The following PPL variants were observed in gnomAD, a reference collection of about 807,000 sequenced individuals.
The protein encoded by PPL is periplakin.
A neutral mutation model predicts 194.4 loss-of-function variants in PPL; 198 were observed. That is an observed-to-expected ratio of 1.02 (90% confidence interval 0.91 to 1.15). PPL has a LOEUF of 1.15. Ranked by LOEUF, PPL falls within the 50% of genes most tolerant of loss-of-function variation. The probability of loss-of-function intolerance (pLI) is 0.00; values close to 1 mark genes in which losing one functional copy is unlikely to be tolerated. For synonymous variants in PPL, 1,220 were observed against 972.4 expected, an observed-to-expected ratio of 1.25 and a Z score of -4.74; for missense variants, 2,885 against 2,294.8, an observed-to-expected ratio of 1.26 and a Z score of -5.25.
chr16:4,902,158 G>A lies in PPL; in HGVS notation c.438+248C>T, dbSNP rs1314969087. On this transcript the variant is annotated intron_variant, in intron 4 of 21. Transcript: ENST00000345988. The surrounding 1 kb of genome is among the most constrained non-coding windows in gnomAD (Gnocchi z 4.0). ...CAGGGTTGGAAAGTGGGACCCAGGA[G>A]CAGCAGCGAGGTGTGGCTGACAGGG... Among the ~76,000 whole-genome samples the A allele has an allele frequency of 6.6e-6, 1 of 152,200 alleles. No homozygotes were observed. Among genetic ancestry groups the A allele is most frequent in the Non-Finnish European group, 1.5e-5 (1 of 68,046 alleles).
At chr16:4,889,692 A>G (rs2088284374) in intron 18 of PPL, among the ~76,000 whole-genome samples, 1 of 152,134 alleles carries the variant, frequency 6.6e-6, no homozygotes, top group Non-Finnish European at 1.5e-5. Context: ...TAATCTTCAA[A>G]CGATGCCAGG....
chr16:4,928,312 C>T (rs1400879601), intron 1 of PPL, among the ~76,000 whole-genome samples: 1 of 152,252 alleles, frequency 6.6e-6, no homozygotes, highest in Non-Finnish European at 1.5e-5. Context: ...TCTCCAACAC[C>T]TGACCTTAGG....
intron 1 of PPL, among the ~76,000 whole-genome samples, chr16:4,915,775 A>G (rs1337310377): frequency 2.0e-5 from 3 of 152,184 alleles, no homozygotes; most frequent in Non-Finnish European, 4.4e-5. Context: ...CAACCCTGAG[A>G]GCTGGGTGTT....
In PPL at chr16:4,902,206, C is replaced by T. The variant is rs932770874; in HGVS notation, c.438+200G>A. Among the ~76,000 whole-genome samples the T allele has an allele frequency of 6.6e-6, 1 of 152,218 alleles. No individual in the cohort carries two copies. Among genetic ancestry groups the T allele is most frequent in the African/African-American group, 2.4e-5 (1 of 41,462 alleles). On this transcript the variant is annotated intron_variant, in intron 4 of 21. Coordinates refer to ENST00000345988, the MANE Select transcript of PPL (RefSeq NM_002705.5). The surrounding 1 kb of genome is among the most constrained non-coding windows in gnomAD (Gnocchi z 4.0). Reference sequence around the variant, plus strand: ...GGGGACAGAGTCCGAATCTCCACCGCTTGAGCTGTGTGACCCTGACTTCGT... The same window carrying T: ...GGGGACAGAGTCCGAATCTCCACCGTTTGAGCTGTGTGACCCTGACTTCGT...
At chr16:4,895,501 GC>G in intron 10 of PPL, 92 bp downstream of exon 10, 1 of 1,602,976 alleles carries the variant, frequency 6.2e-7, no homozygotes, top group Non-Finnish European at 8.5e-7. Flanking sequence ...CAGGTGGGGT[GC>G]TGTGGAGGGG....
At position 4,884,830 on chromosome 16, in the gene PPL, T is replaced by C; in HGVS notation, c.3825A>G (p.Glu1275=). ...GTTTGGTGTCTTTCAGGGCCTGGAT[T>C]TCCTTTTTCAGCTGGTAGATCTCTA... ...CDLEIYQLKK[E]IQALKDTKPQ... is the part of the protein sequence containing the mutation. The change falls in exon 22 of 22, where the codon GAA becomes GAG. Residue 1275 remains glutamate, a synonymous_variant. Transcript: ENST00000345988. The surrounding 1 kb of genome is among the most constrained non-coding windows in gnomAD (Gnocchi z 5.7). 2 of 1,614,126 alleles carry C rather than the reference T, an allele frequency of 1.2e-6. No individual in the cohort carries two copies. The highest frequency in any genetic ancestry group is 1.7e-6 in the Non-Finnish European group (2 of 1,180,022).
intron 1 of PPL, among the ~76,000 whole-genome samples, chr16:4,927,498 C>A (rs932001232): frequency 1.3e-5 from 2 of 152,166 alleles, no homozygotes; most frequent in African/African-American, 4.8e-5. Context: ...AGGAACTGAA[C>A]CACAGCAAGG....
At chr16:4,897,564 C>G in intron 9 of PPL, 111 bp downstream of exon 9, 4 of 794,192 alleles carry the variant, frequency 5.0e-6, no homozygotes, top group Non-Finnish European at 8.2e-6. Context: ...GGCTGCCCCG[C>G]AAGGCTCCTG....
intron 2 of PPL, among the ~76,000 whole-genome samples, chr16:4,908,554 T>C (rs896857758): frequency 9.2e-5 from 14 of 152,116 alleles, no homozygotes; most frequent in African/African-American, 2.7e-4. Flanking sequence ...GATTGATTGA[T>C]TGAGGCAGGG....
At chr16:4,895,805 G>C (rs1423819827) in intron 9 of PPL, 89 bp from the exon 10 acceptor site, 17 of 1,576,174 alleles carry the variant, frequency 1.1e-5, no homozygotes, top group Non-Finnish European at 1.5e-5. Flanking sequence ...CCCTCAGGCG[G>C]GGCTGGGCCT....
chr16:4,889,407 A>G (rs1486084186), intron 18 of PPL, among the ~76,000 whole-genome samples: 3 of 150,516 alleles, frequency 2.0e-5, no homozygotes, highest in Non-Finnish European at 4.4e-5. Flanking sequence ...GGCTCCTGCC[A>G]CCATACCCAG....
chr16:4,897,951 C>T (rs1019520967), intron 8 of PPL, among the ~76,000 whole-genome samples, 181 bp from the exon 9 acceptor site: 5 of 152,148 alleles, frequency 3.3e-5, no homozygotes, highest in African/African-American at 7.2e-5. Flanking sequence ...AGAGGGGTCA[C>T]GTCAAGGAGC....
rs201167659 is a variant in PPL, at chr16:4,901,014, G to A, written c.514C>T (p.His172Tyr). 2.9e-5 allele frequency: 47 copies of A among 1,614,182 alleles called. No individual in the cohort carries two copies. The East Asian group carries it at 6.9e-4, about 24-fold the overall frequency. Reference protein sequence around the residue: ...DHQVEEHNIFHNEVKAIGPHL... With the variant: ...DHQVEEHNIFYNEVKAIGPHL... ...GGCCCGATGGCCTTGACCTCATTGT[G>A]GAAGATGTTATGCTCCTCCACTTGG... is the stretch of plus-strand genomic sequence containing the variant. The change falls in exon 5 of 22, where the codon CAC becomes TAC. Residue 172 changes from histidine to tyrosine, a missense_variant. By Grantham distance (83) the His-to-Tyr change is moderately conservative (BLOSUM62 2). Coordinates refer to ENST00000345988, the MANE Select transcript of PPL (RefSeq NM_002705.5).
At chr16:4,908,155 C>A (rs1408712560) in intron 2 of PPL, among the ~76,000 whole-genome samples, 1 of 90,646 alleles carries the variant, frequency 1.1e-5, no homozygotes, top group Non-Finnish European at 2.1e-5. Context: ...GAGTGAGAGA[C>A]TGTCTCCAAA....
intron 10 of PPL, 82 bp downstream of exon 10, chr16:4,895,512 G>A (rs1596551875): frequency 6.2e-7 from 1 of 1,607,926 alleles, no homozygotes; most frequent in Non-Finnish European, 8.5e-7. Flanking sequence ...CTGTGGAGGG[G>A]CCTGTACAGG....
intron 2 of PPL, among the ~76,000 whole-genome samples, chr16:4,906,471 C>T (rs1442636497): frequency 8.5e-5 from 13 of 152,118 alleles, no homozygotes; most frequent in African/African-American, 2.7e-4. Context: ...GTGATCCACC[C>T]GCCTCGGCCT....
Position 4,901,058 on chromosome 16 carries a change from T to C in PPL, c.470A>G (p.Asp157Gly). ...DKLNNQSFGT[D>G]LPLVDHQVEE... Reference sequence around the variant, plus strand: ...CACTTGGTGGTCCACCAGCGGCAGGTCAGTCCCAAAGCTCTGGTTGTTCAG... The same window carrying C: ...CACTTGGTGGTCCACCAGCGGCAGGCCAGTCCCAAAGCTCTGGTTGTTCAG... Residue 157 changes from aspartate to glycine, a missense_variant, in exon 5 of 22, where the codon GAC (aspartate) becomes GGC (glycine). Physicochemically the swap from Asp to Gly is moderately conservative, Grantham distance 94. Transcript: ENST00000345988. 1 of 1,614,082 alleles carries C rather than the reference T, an allele frequency of 6.2e-7. No individual in the cohort carries two copies. Among genetic ancestry groups the C allele is most frequent in the Non-Finnish European group, 8.5e-7 (1 of 1,180,024 alleles).
intron 1 of PPL, among the ~76,000 whole-genome samples, chr16:4,930,449 C>T (rs2089212648): frequency 6.6e-6 from 1 of 152,212 alleles, no homozygotes; most frequent in African/African-American, 2.4e-5. Context: ...CTCTGCTGGT[C>T]CTGGGGTGTG....
At chr16:4,892,519 G>A (rs766466915) in intron 14 of PPL, among the ~76,000 whole-genome samples, 1 of 152,194 alleles carries the variant, frequency 6.6e-6, no homozygotes, top group African/African-American at 2.4e-5. Flanking sequence ...CGGCAACCCC[G>A]GGAGGTGAGT....
Sources: allele counts gnomAD v4.1 joint callset (sites outside exome capture counted in the v4.1 genomes callset), GRCh38; gene constraint gnomAD v4.1.1; non-coding constraint Gnocchi (gnomAD v3.1); transcripts MANE v1.5; gene names NCBI Gene and HGNC (gene_info 2026-07-23, HGNC 2026-07-21).